WRN: variants seen among roughly 807,000 people sequenced by gnomAD.
WRN encodes bifunctional 3'-5' exonuclease/ATP-dependent helicase WRN.
In WRN, 149 loss-of-function variants were observed where a neutral mutation model predicts 180.7. That is an observed-to-expected ratio of 0.82 (90% confidence interval 0.72 to 0.94). WRN has a LOEUF of 0.94. Among genes scored for constraint, WRN ranks in the 40% least tolerant of loss-of-function variants. The pLI is 0.00. For synonymous variants in WRN, 548 were observed against 568.9 expected, an observed-to-expected ratio of 0.96 and a Z score of 0.52; for missense variants, 1,661 against 1,700.1, an observed-to-expected ratio of 0.98 and a Z score of 0.40.
chr8:31,108,985 A>G (rs924774194), intron 18 of WRN, among the ~76,000 whole-genome samples: 2 of 152,182 alleles, frequency 1.3e-5, no homozygotes, highest in African/African-American at 4.8e-5. Flanking sequence ...CTGCTGAGGC[A>G]GAGGGCAGTA....
chr8:31,132,144 T>C (rs931921121), intron 23 of WRN, among the ~76,000 whole-genome samples: 2 of 152,086 alleles, frequency 1.3e-5, no homozygotes, highest in Non-Finnish European at 2.9e-5. Flanking sequence ...GACACTAGGA[T>C]TGAGAACCAT....
At chr8:31,102,602 G>A (rs1800920500) in intron 18 of WRN, among the ~76,000 whole-genome samples, 1 of 152,138 alleles carries the variant, frequency 6.6e-6, no homozygotes, top group East Asian at 1.9e-4. Context: ...CTTATCTAAT[G>A]TAGAAAAGAC....
chr8:31,074,696 A>G (rs1372063162), intron 7 of WRN, among the ~76,000 whole-genome samples: 5 of 152,132 alleles, frequency 3.3e-5, no homozygotes, highest in African/African-American at 9.7e-5. Flanking sequence ...AGTGGGTTTT[A>G]TTATGAGTAG....
chr8:31,074,920 G>A (rs955127441), intron 7 of WRN, among the ~76,000 whole-genome samples: 12 of 152,142 alleles, frequency 7.9e-5, no homozygotes, highest in African/African-American at 2.9e-4. Flanking sequence ...CATGCTGGAA[G>A]GAAAGATAGG....
chr8:31,048,402 G>T (rs1251887601), intron 1 of WRN, among the ~76,000 whole-genome samples: 2 of 152,002 alleles, frequency 1.3e-5, no homozygotes, highest in Non-Finnish European at 1.5e-5. Flanking sequence ...TTGGTTCATT[G>T]AAAAGTAGAA....
intron 1 of WRN, among the ~76,000 whole-genome samples, chr8:31,045,536 G>A (rs1811828757): frequency 6.6e-6 from 1 of 151,850 alleles, no homozygotes; most frequent in South Asian, 2.1e-4. Flanking sequence ...CCTAGTAGAT[G>A]GGATTACAGC....
chr8:31,046,362 CT>C (rs1404383747), intron 1 of WRN, among the ~76,000 whole-genome samples: 2 of 151,914 alleles, frequency 1.3e-5, no homozygotes, highest in Non-Finnish European at 2.9e-5. Flanking sequence ...CAATCAGACT[CT>C]TTTAAAGGTG....
intron 34 of WRN, among the ~76,000 whole-genome samples, chr8:31,169,951 C>T (rs1203585201): frequency 2.6e-5 from 4 of 152,100 alleles, no homozygotes; most frequent in Non-Finnish European, 5.9e-5. Flanking sequence ...TGGACAAAAG[C>T]CCTCCCATTT....
intron 31 of WRN, among the ~76,000 whole-genome samples, chr8:31,151,010 C>T (rs1460821163): frequency 1.3e-5 from 2 of 152,152 alleles, no homozygotes; most frequent in Admixed American, 1.3e-4. Context: ...CTAAACTCCA[C>T]GTAGCAGACT....
Position 31,175,224 on chromosome 8 carries a change from C to G in WRN, c.*2122C>G, listed in dbSNP as rs1804242600. Among the ~76,000 whole-genome samples the G allele has an allele frequency of 1.3e-5, 2 of 152,078 alleles. No individual in the cohort carries two copies. The highest frequency in any genetic ancestry group is 6.5e-5 in the Admixed American group (1 of 15,272). On this transcript the variant is annotated 3_prime_UTR_variant, in exon 35 of 35. Transcript: ENST00000298139. ...GGCCGAGGCGGGCGGATCACGAGATCAGGAGATCGAGACCACCCTGGCCAA... is the reference window on the plus strand; with the variant it reads ...GGCCGAGGCGGGCGGATCACGAGATGAGGAGATCGAGACCACCCTGGCCAA...
intron 7 of WRN, among the ~76,000 whole-genome samples, chr8:31,068,634 A>G (rs527834976): frequency 2.0e-5 from 3 of 152,358 alleles, no homozygotes; most frequent in Non-Finnish European, 4.4e-5. Flanking sequence ...GAGATTATAC[A>G]TCCTTGCTAT....
chr8:31,083,796 A>G lies in WRN; in HGVS notation c.1350+17A>G. 1 of 1,241,790 alleles carries G rather than the reference A, an allele frequency of 8.1e-7. No homozygotes were observed. Among genetic ancestry groups the G allele is most frequent in the Non-Finnish European group, 1.2e-6 (1 of 846,526 alleles). 76.9% of individuals were successfully genotyped at this position (1,241,790 alleles called of 1,614,324 possible). A position where few individuals can be genotyped will look rare whatever the true frequency, so the allele number is the denominator to read the frequency against. On this transcript the variant is annotated intron_variant, in intron 10 of 34. Coordinates refer to ENST00000298139, the MANE Select transcript of WRN (RefSeq NM_000553.6). ...ATGCTTAAGGTATGTTTACAATTAT[A>G]AAAATATTACTTCAAGTTCTTTCCA...
intron 26 of WRN, among the ~76,000 whole-genome samples, chr8:31,142,035 G>A (rs1802659104): frequency 6.6e-6 from 1 of 152,098 alleles, no homozygotes; most frequent in Admixed American, 6.5e-5. Flanking sequence ...CTGCAGCCTC[G>A]ATCTCGTGGG....
intron 24 of WRN, among the ~76,000 whole-genome samples, chr8:31,133,716 G>A (rs1185670422): frequency 2.0e-5 from 3 of 152,094 alleles, no homozygotes; most frequent in Non-Finnish European, 4.4e-5. Context: ...GACTATTTTA[G>A]GTGCTGTGAG....
At chr8:31,149,977 C>T (rs534682663) in intron 30 of WRN, among the ~76,000 whole-genome samples, 1 of 152,248 alleles carries the variant, frequency 6.6e-6, no homozygotes, top group Non-Finnish European at 1.5e-5. Flanking sequence ...TTCTTAGCCT[C>T]TTAGTTGTTC....
intron 17 of WRN, among the ~76,000 whole-genome samples, chr8:31,098,825 G>C (rs1814094193): frequency 6.6e-6 from 1 of 152,020 alleles, no homozygotes; most frequent in Non-Finnish European, 1.5e-5. Context: ...TGATTTCCAG[G>C]GATAAGGTTT....
Position 31,173,217 on chromosome 8 carries a change from G to A in WRN, c.*115G>A, listed in dbSNP as rs1804169018. 5.8e-6 allele frequency: 6 copies of A among 1,036,656 alleles called. No individual in the cohort carries two copies. Among genetic ancestry groups the A allele is most frequent in the Middle Eastern group, 2.2e-4 (1 of 4,628 alleles). 64.2% of individuals were successfully genotyped at this position (1,036,656 alleles called of 1,614,324 possible). On this transcript the variant is annotated 3_prime_UTR_variant, in exon 35 of 35. Coordinates refer to ENST00000298139, the MANE Select transcript of WRN (RefSeq NM_000553.6). The stretch of plus-strand genomic sequence containing the variant: ...GCTTAAAAATCATTCTAATTACAAA[G>A]TTCACTGTTTATTGAAGAACTGGCA...
At chr8:31,103,025 C>G (rs1443757587) in intron 18 of WRN, among the ~76,000 whole-genome samples, 2 of 152,012 alleles carry the variant, frequency 1.3e-5, no homozygotes, top group Non-Finnish European at 2.9e-5. Flanking sequence ...ATTTTTAAAA[C>G]TTTTTTGTTA....
At chr8:31,081,419 C>A (rs1395567674) in intron 9 of WRN, 123 bp downstream of exon 9, 7 of 1,021,320 alleles carry the variant, frequency 6.9e-6, no homozygotes, top group Non-Finnish European at 1.0e-5. Flanking sequence ...GTTGCAGTAA[C>A]TCAGTTCTGT....
Sources: allele counts gnomAD v4.1 joint callset (sites outside exome capture counted in the v4.1 genomes callset), GRCh38; gene constraint gnomAD v4.1.1; transcripts MANE v1.5; gene names NCBI Gene and HGNC (gene_info 2026-07-23, HGNC 2026-07-21).